PIEZO1: variants seen among roughly 807,000 people sequenced by gnomAD.
PIEZO1 encodes the protein piezo-type mechanosensitive ion channel component 1.
In PIEZO1, 296 loss-of-function variants were observed where a neutral mutation model predicts 297.2. The observed-to-expected ratio is 1.00, with a 90% CI of 0.91 to 1.10. PIEZO1 has a LOEUF of 1.10. PIEZO1 is among the 50% of genes least tolerant of loss of function. PIEZO1 has a pLI of 0.00. For missense variants in PIEZO1, 5,018 were observed against 3,455.5 expected, an observed-to-expected ratio of 1.45 and a Z score of -11.34; for synonymous variants, 2,427 against 1,507.5, an observed-to-expected ratio of 1.61 and a Z score of -14.13.
At chr16:88,724,648 C>T (rs1904315599) in intron 30 of PIEZO1, among the ~76,000 whole-genome samples, 1 of 152,056 alleles carries the variant, frequency 6.6e-6, no homozygotes, top group African/African-American at 2.4e-5. Context: ...GAGCTGAGAT[C>T]ATGCCACTGC....
chr16:88,723,674 G>C (rs1299173834), intron 31 of PIEZO1, among the ~76,000 whole-genome samples, 197 bp downstream of exon 31: 2 of 152,262 alleles, frequency 1.3e-5, no homozygotes, highest in African/African-American at 4.8e-5. Context: ...TGGGGCAGCA[G>C]GCTACACATG....
At chr16:88,746,449 C>A (rs1024268418) in intron 2 of PIEZO1, among the ~76,000 whole-genome samples, 1 of 152,188 alleles carries the variant, frequency 6.6e-6, no homozygotes. Flanking sequence ...AGGGTCTGTT[C>A]CCTCTGCCCC....
rs1233850963 is a variant in PIEZO1 at position 88,716,988 on chromosome 16, G to A, written c.6660+35C>T. On this transcript the variant is annotated intron_variant, in intron 45 of 50. Transcript: ENST00000301015. Reference sequence around the variant, plus strand: ...ACCACCTTGGCCAGAACCCCCAGGGGATGGGAATGGACAGGCGGACCCACA... The same window carrying A: ...ACCACCTTGGCCAGAACCCCCAGGGAATGGGAATGGACAGGCGGACCCACA... 6 of 1,548,192 alleles carry A rather than the reference G, an allele frequency of 3.9e-6. No homozygotes were observed. The Admixed American group carries it at 7.8e-5, about 20-fold the overall frequency.
chr16:88,750,386 C>A (rs1221831527), intron 1 of PIEZO1, among the ~76,000 whole-genome samples: 1 of 152,252 alleles, frequency 6.6e-6, no homozygotes, highest in Non-Finnish European at 1.5e-5. Context: ...CAGCACGTGT[C>A]TGGGAGCCCC....
chr16:88,768,431 T>C (rs1427702528), intron 1 of PIEZO1, among the ~76,000 whole-genome samples: 1 of 152,130 alleles, frequency 6.6e-6, no homozygotes, highest in Non-Finnish European at 1.5e-5. Context: ...GGCTAAAACC[T>C]ATGCGCGTGC....
Position 88,716,096 on chromosome 16 carries a change from C to G in PIEZO1, c.7153G>C (p.Val2385Leu). The G allele has an allele frequency of 6.5e-7, 1 of 1,547,958 alleles. No individual in the cohort carries two copies. Among genetic ancestry groups the G allele is most frequent in the Non-Finnish European group, 8.7e-7 (1 of 1,145,426 alleles). Residue 2385 changes from valine to leucine, a missense_variant, in exon 50 of 51, where the codon GTG (valine) becomes CTG (leucine). By Grantham distance (32) the Val-to-Leu change is conservative (BLOSUM62 1). Coordinates refer to ENST00000301015, the MANE Select transcript of PIEZO1 (RefSeq NM_001142864.4). ...TGCTCCCTCCGCAGCTGGATACGCA[C>G]GCCGAGGTAGTCGGCCTCCTCATCT... ...QPNEEADYLG[V>L]RIQLRREQGA...
intron 1 of PIEZO1, among the ~76,000 whole-genome samples, chr16:88,780,180 C>G (rs1026041333): frequency 2.6e-5 from 4 of 152,216 alleles, no homozygotes; most frequent in Admixed American, 6.5e-5. Flanking sequence ...CCTCGGCCAG[C>G]AGGTGTGGGA....
intron 1 of PIEZO1, among the ~76,000 whole-genome samples, chr16:88,778,838 C>T (rs1188783994): frequency 6.6e-6 from 1 of 152,188 alleles, no homozygotes; most frequent in African/African-American, 2.4e-5. Context: ...CACACCCAGG[C>T]ATCCAGCAGC....
In PIEZO1 at chr16:88,742,136, A is replaced by C. The variant is rs749468665; in HGVS notation, c.284-41T>G. 1.2e-5 allele frequency: 19 copies of C among 1,534,514 alleles called. No homozygotes were observed. In the South Asian group the frequency reaches 2.3e-4, roughly 18 times the overall value. ...GGGGAACCCAGGTCAGGCTCTGCCC[A>C]GCCAGCACCGTGGCCTGGTCATCCC... On this transcript the variant is annotated intron_variant, in intron 3 of 50. Coordinates refer to ENST00000301015, the MANE Select transcript of PIEZO1 (RefSeq NM_001142864.4).
rs928734845 is a variant in PIEZO1 at position 88,727,564 on chromosome 16, G to C, written c.3294C>G (p.Asn1098Lys). ...PDFFRAPNST[N>K]LISDFLLLLC... ...GTGGTGGGGGGCACTCACTGATGAG[G>C]TTGGTGGAGTTGGGGGCCCGGAAGA... The change falls in exon 23 of 51, where the codon AAC becomes AAG. Residue 1098 changes from asparagine to lysine, a missense_variant. By Grantham distance (94) the Asn-to-Lys change is moderately conservative. Coordinates refer to ENST00000301015, the MANE Select transcript of PIEZO1 (RefSeq NM_001142864.4). The C allele has an allele frequency of 6.9e-7, 1 of 1,454,054 alleles. No individual in the cohort carries two copies. Among genetic ancestry groups the C allele is most frequent in the African/African-American group, 1.4e-5 (1 of 70,910 alleles). 90.1% of individuals were successfully genotyped at this position (1,454,054 alleles called of 1,614,324 possible). A position where few individuals can be genotyped will look rare whatever the true frequency, so the allele number is the denominator to read the frequency against.
At position 88,734,674 on chromosome 16, in the gene PIEZO1, T is replaced by C. The variant is rs1488750843; in HGVS notation, c.1973A>G (p.Asn658Ser). The change falls in exon 15 of 51, where the codon AAC becomes AGC. Residue 658 changes from asparagine (N) to serine (S), a missense_variant. Transcript: ENST00000301015. ...CTGCTCGTCGGTGAAGCCAGTGAGGTTGCGCCAGTAGGCAGGGAAGTCCTG... is the reference window on the plus strand; with the variant it reads ...CTGCTCGTCGGTGAAGCCAGTGAGGCTGCGCCAGTAGGCAGGGAAGTCCTG... Reference protein sequence around the residue: ...QFQDFPAYWRNLTGFTDEQLG... With the variant: ...QFQDFPAYWRSLTGFTDEQLG... 1.3e-6 allele frequency: 2 copies of C among 1,550,206 alleles called. No homozygotes were observed. The highest frequency in any genetic ancestry group is 1.7e-6 in the Non-Finnish European group (2 of 1,146,896).
chr16:88,732,375 T>G lies in PIEZO1; in HGVS notation c.2951A>C (p.Lys984Thr), dbSNP rs1397043233. The part of the protein sequence containing the change: ...QLDQDLLGCL[K>T]YFINFFFYKF... ...GTAGAAGAAGAAGTTGATGAAGTAC[T>G]TGAGGCAGCCGAGCAGATCCTGGTC... The change falls in exon 21 of 51, where the codon AAG becomes ACG. Residue 984 changes from lysine to threonine, a missense_variant. Transcript: ENST00000301015. The G allele has an allele frequency of 2.6e-6, 4 of 1,549,616 alleles. No individual in the cohort carries two copies. The highest frequency in any genetic ancestry group is 1.4e-5 in the African/African-American group (1 of 73,010).
rs1052196774 is a variant in PIEZO1, at chr16:88,735,005, T to C, written c.1718A>G (p.Lys573Arg). The change falls in exon 14 of 51, where the codon AAG becomes AGG. Residue 573 changes from lysine (K) to arginine (R), a missense_variant. Lys to Arg is a conservative substitution (Grantham distance 26, BLOSUM62 2). Coordinates refer to ENST00000301015, the MANE Select transcript of PIEZO1 (RefSeq NM_001142864.4). Reference protein sequence around the residue: ...TLLQSLGELVKGVYAKYWIYV... With the variant: ...TLLQSLGELVRGVYAKYWIYV... ...GATCCAGTACTTGGCGTACACGCCC[T>C]TCACCAGCTCCCCCAGGCTCTGCAA... 25 of 1,550,392 alleles carry C rather than the reference T, an allele frequency of 1.6e-5. 1 individual carries two copies. The highest frequency in any genetic ancestry group is 9.8e-5 in the East Asian group (4 of 40,930).
In PIEZO1 at chr16:88,726,871, G is replaced by A. The variant is rs1034178176; in HGVS notation, c.3543C>T (p.Arg1181=). The A allele has an allele frequency of 3.2e-6, 5 of 1,550,294 alleles. No individual in the cohort carries two copies. Among genetic ancestry groups the A allele is most frequent in the Non-Finnish European group, 4.4e-6 (5 of 1,146,936 alleles). The part of the protein sequence containing the change: ...LVVVFVTGAT[R]ISIFGLGYLL... ...GGTAGCCCAGCCCGAAGATGCTGATGCGGGTGGCCCCCGTGACAAACACCA... is the reference window on the plus strand; with the variant it reads ...GGTAGCCCAGCCCGAAGATGCTGATACGGGTGGCCCCCGTGACAAACACCA... The change falls in exon 25 of 51, where the codon CGC becomes CGT. Residue 1181 remains arginine, a synonymous_variant. Coordinates refer to ENST00000301015, the MANE Select transcript of PIEZO1 (RefSeq NM_001142864.4).
At position 88,726,345 on chromosome 16, in the gene PIEZO1, G is replaced by A. The variant is rs1247767380; in HGVS notation, c.3907C>T (p.Leu1303Phe). 4 of 1,550,478 alleles carry A rather than the reference G, an allele frequency of 2.6e-6. 1 individual carries two copies. Among genetic ancestry groups the A allele is most frequent in the African/African-American group, 2.7e-5 (2 of 73,192 alleles). Residue 1303 changes from leucine (L) to phenylalanine (F), a missense_variant, in exon 27 of 51, where the codon CTT becomes TTT. Physicochemically the swap from Leu to Phe is conservative, Grantham distance 22. Transcript: ENST00000301015. ...CTGACGTGCAGGTAGTAATGGCTAA[G>A]GAAGACGCGGCGCTGCAGCAGCAGG... Reference protein sequence around the residue: ...FFLLLQRRVFLSHYYLHVRAD... With the variant: ...FFLLLQRRVFFSHYYLHVRAD...
intron 1 of PIEZO1, among the ~76,000 whole-genome samples, chr16:88,757,685 C>G (rs1318241838): frequency 6.6e-6 from 1 of 152,124 alleles, no homozygotes; most frequent in Non-Finnish European, 1.5e-5. Flanking sequence ...GGGTTCCTGG[C>G]CCTGAAGGAG....
At chr16:88,731,524 C>A in intron 22 of PIEZO1, 182 bp downstream of exon 22, 1 of 588,630 alleles carries the variant, frequency 1.7e-6, no homozygotes, top group South Asian at 2.1e-5. Flanking sequence ...GGCCAGGCCG[C>A]CCCCGAGAGA....
At chr16:88,784,525 G>A (rs879533628) in intron 1 of PIEZO1, among the ~76,000 whole-genome samples, 1 of 151,786 alleles carries the variant, frequency 6.6e-6, no homozygotes, top group Non-Finnish European at 1.5e-5. Flanking sequence ...AAAGAGATTC[G>A]TGCTCCCCCC....
At chr16:88,732,257 G>C (rs1002182095) in intron 21 of PIEZO1, 78 bp downstream of exon 21, 6 of 1,292,018 alleles carry the variant, frequency 4.6e-6, no homozygotes. Flanking sequence ...CCAGGCTTGC[G>C]GTGCCTGCAC....
Sources: gnomAD v4.1 joint callset for allele counts (sites outside exome capture counted in the v4.1 genomes callset) on GRCh38, gnomAD v4.1.1 for gene constraint, MANE v1.5 for transcripts, NCBI Gene and HGNC (gene_info 2026-07-23, HGNC 2026-07-21) for gene names.